The following SYNPR variants were observed in gnomAD, a reference collection of about 807,000 sequenced individuals.
The protein encoded by SYNPR is synaptoporin.
SYNPR carries 23 observed loss-of-function variants against 32.9 expected under a neutral mutation model. The observed-to-expected ratio is 0.70, with a 90% confidence interval of 0.50 to 0.99. The LOEUF is 0.99. SYNPR is among the 50% of genes least tolerant of loss of function. SYNPR has a pLI of 0.00. For synonymous variants in SYNPR, 146 were observed against 135.9 expected (o/e 1.07, Z -0.52); for missense variants, 318 against 349.3 (o/e 0.91, Z 0.71).
chr3:63,249,579 A>G lies in SYNPR; in HGVS notation n.67-2920A>G, dbSNP rs1297778525. ...AGTGGGAGGGGGCGAGGGATAAAAG[A>G]CTACAGATATGTGCAGTGTACACTG... On this transcript the variant is annotated intron_variant and non_coding_transcript_variant, in intron 1 of 4. Coordinates refer to the SYNPR transcript ENST00000478456. 5.9e-5 allele frequency among the ~76,000 whole-genome samples: 9 copies of G among 152,210 alleles called. No homozygotes were observed. In the East Asian group the frequency reaches 1.7e-3, roughly 29 times the overall value.
At chr3:63,351,751 G>A (rs2087512721) in intron 2 of SYNPR, 2 of 152,172 alleles carry the variant, frequency 1.3e-5, no homozygotes, top group Admixed American at 1.3e-4. Flanking sequence ...TGCCTGCTAT[G>A]TCACAAGTAA....
chr3:63,592,180 A>G (rs1699845696), intron 4 of SYNPR, among the ~76,000 whole-genome samples: 3 of 152,144 alleles, frequency 2.0e-5, no homozygotes. Flanking sequence ...GACTGCCAGT[A>G]GAAACTGGGA....
chr3:63,245,719 GTGTGTGTGTGTGTGTGTGTGT>G (rs2086282414), intron 1 of SYNPR, among the ~76,000 whole-genome samples: 3 of 121,996 alleles, frequency 2.5e-5, no homozygotes, highest in African/African-American at 1.0e-4. Flanking sequence ...GAGTGTGTGT[GTGTGTGTGTGTGTGTGTGTGT>G]ATGTGTGTGT....
intron 2 of SYNPR, among the ~76,000 whole-genome samples, chr3:63,395,853 G>A (rs1287082412): frequency 6.6e-6 from 1 of 151,116 alleles, no homozygotes. Flanking sequence ...GTCATTCCTT[G>A]GAATTTTACA....
At chr3:63,422,974 G>T (rs990563365) in intron 2 of SYNPR, among the ~76,000 whole-genome samples, 4 of 152,132 alleles carry the variant, frequency 2.6e-5, no homozygotes, top group African/African-American at 9.7e-5. Flanking sequence ...AATGAATAAA[G>T]TGGTCTTTAT....
chr3:63,589,110 C>A (rs1169834719), intron 4 of SYNPR, among the ~76,000 whole-genome samples: 1 of 152,048 alleles, frequency 6.6e-6, no homozygotes, highest in Non-Finnish European at 1.5e-5. Context: ...AATTCATAGG[C>A]CTTCCAGATA....
At chr3:63,561,481 T>A (rs1335428284) in intron 4 of SYNPR, 2 of 152,204 alleles carry the variant, frequency 1.3e-5, no homozygotes, top group African/African-American at 4.8e-5. Flanking sequence ...TGATAGCCAA[T>A]GTGCTACAGA....
chr3:63,221,604 A>G, the SYNPR span, among the ~76,000 whole-genome samples: 1 of 152,124 alleles, frequency 6.6e-6, no homozygotes, highest in African/African-American at 2.4e-5. Context: ...AAAGTAGTAC[A>G]CAGCCAGGAA....
At chr3:63,208,526 C>A in the SYNPR span, among the ~76,000 whole-genome samples, 14 of 152,172 alleles carry the variant, frequency 9.2e-5, no homozygotes, top group Non-Finnish European at 1.3e-4. Context: ...AAAGCCGTGT[C>A]TGGCATTTTT....
At chr3:63,603,973 G>T (rs1477983714) in intron 4 of SYNPR, among the ~76,000 whole-genome samples, 1 of 152,080 alleles carries the variant, frequency 6.6e-6, no homozygotes, top group Non-Finnish European at 1.5e-5. Context: ...GATTCCATCT[G>T]GTCCTGGGCT....
intron 2 of SYNPR, among the ~76,000 whole-genome samples, chr3:63,280,384 T>C (rs888956288): frequency 3.9e-5 from 6 of 152,148 alleles, no homozygotes; most frequent in Admixed American, 6.5e-5. Context: ...GCGTAACTCT[T>C]ATCCATGTTA....
At chr3:63,506,130 C>G (rs2106745109) in intron 3 of SYNPR, among the ~76,000 whole-genome samples, 1 of 151,694 alleles carries the variant, frequency 6.6e-6, no homozygotes, top group East Asian at 1.9e-4. Flanking sequence ...TCTCTCTCTC[C>G]CTTCCTCTCT....
chr3:63,569,111 C>T, intron 4 of SYNPR, among the ~76,000 whole-genome samples: 1 of 152,096 alleles, frequency 6.6e-6, no homozygotes, highest in East Asian at 1.9e-4. Context: ...AACTCTGTTT[C>T]CCTTTGTAAT....
intron 2 of SYNPR, among the ~76,000 whole-genome samples, chr3:63,292,721 C>T (rs780443688): frequency 1.6e-4 from 25 of 152,278 alleles, no homozygotes; most frequent in South Asian, 4.1e-4. Context: ...CAAAACTTTG[C>T]AAAGAAAGCA....
chr3:63,414,945 C>G (rs1229744552), intron 2 of SYNPR, among the ~76,000 whole-genome samples: 1 of 152,164 alleles, frequency 6.6e-6, no homozygotes, highest in African/African-American at 2.4e-5. Context: ...TTTCTAAACT[C>G]AGGAATGTGC....
At chr3:63,223,891 T>TC (rs1191875579), upstream of SYNPR, among the ~76,000 whole-genome samples, 1 of 152,180 alleles carries the variant, frequency 6.6e-6, no homozygotes, top group East Asian at 1.9e-4. Context: ...ATTCTTTTTT[T>TC]CCCCACTTCA....
intron 2 of SYNPR, among the ~76,000 whole-genome samples, chr3:63,260,713 T>A (rs909591274): frequency 1.3e-5 from 2 of 151,758 alleles, no homozygotes; most frequent in African/African-American, 2.4e-5. Flanking sequence ...AAGCCAAAAT[T>A]GACAAATGGG....
chr3:63,338,403 C>G (rs777617279), intron 2 of SYNPR, among the ~76,000 whole-genome samples: 2 of 152,138 alleles, frequency 1.3e-5, no homozygotes, highest in African/African-American at 4.8e-5. Context: ...CTAGCTTTCT[C>G]GATCATCTTG....
At chr3:63,466,711 G>C (rs192505977) in intron 2 of SYNPR, among the ~76,000 whole-genome samples, 64 of 134,408 alleles carry the variant, frequency 4.8e-4, no homozygotes, top group Non-Finnish European at 8.9e-5. Context: ...GCAAGCTGAA[G>C]GTGCTAAGGC....
Sources: allele counts gnomAD v4.1 joint callset (sites outside exome capture counted in the v4.1 genomes callset), GRCh38; gene constraint gnomAD v4.1.1; transcripts MANE v1.5; gene names NCBI Gene and HGNC (gene_info 2026-07-23, HGNC 2026-07-21).